Variants in POMGNT1 observed in about 807,000 individuals in gnomAD.
The protein encoded by POMGNT1 is protein O-linked mannose N-acetylglucosaminyltransferase 1 (beta 1,2-).
Under a neutral mutation model 95.6 loss-of-function variants are expected in POMGNT1, and 67 were observed. That is an observed-to-expected ratio of 0.70 (90% confidence interval 0.58 to 0.86). The LOEUF is 0.86. Among genes scored for constraint, POMGNT1 ranks in the 40% least tolerant of loss-of-function variants. The pLI, the probability that POMGNT1 is intolerant of heterozygous loss-of-function variation, is 0.00. For missense variants in POMGNT1, 719 were observed against 855.2 expected (o/e 0.84, Z 1.99); for synonymous variants, 298 against 317.9 (o/e 0.94, Z 0.66).
At chr1:46,203,412 C>T, upstream of POMGNT1, 5 of 1,439,936 alleles carry the variant, frequency 3.5e-6, no homozygotes, top group Middle Eastern at 2.1e-4. Context: ...CAGCCCTTTT[C>T]AGGCTTGGGC....
At chr1:46,210,011 C>T (rs1196624080) in intron 1 of POMGNT1, among the ~76,000 whole-genome samples, 1 of 152,168 alleles carries the variant, frequency 6.6e-6, no homozygotes, top group Non-Finnish European at 1.5e-5. Flanking sequence ...TGAAGATAAT[C>T]TCCTTTATCA....
At chr1:46,192,773 C>T (rs1571656430) in intron 14 of POMGNT1, 127 bp downstream of exon 14, 5 of 1,582,134 alleles carry the variant, frequency 3.2e-6, no homozygotes, top group Non-Finnish European at 4.3e-6. Context: ...CACCTGCCAT[C>T]CTACCTTTGC....
intron 17 of POMGNT1, chr1:46,191,231 C>T (rs1474017400): frequency 1.9e-5 from 5 of 268,638 alleles, no homozygotes; most frequent in South Asian, 8.6e-5. Context: ...ATGGGGCTCG[C>T]GTATTAGTCA....
intron 1 of POMGNT1, among the ~76,000 whole-genome samples, chr1:46,209,096 C>T (rs1484901878): frequency 6.6e-6 from 1 of 152,080 alleles, no homozygotes; most frequent in African/African-American, 2.4e-5. Context: ...GCAATCTTGG[C>T]TCACCGCAAC....
At position 46,194,392 on chromosome 1, in the gene POMGNT1, C is replaced by T; in HGVS notation, c.761G>A (p.Cys254Tyr). ...GTTCAGCTCTGTGTCTGCCCAGTGG[C>T]ACTCTGCCTCTGAGGGAAGGATGCG... ...VPLSSAEEAE[C>Y]HWADTELNRR... is the part of the protein sequence containing the mutation. The change falls in exon 9 of 22, where the codon TGC becomes TAC. Residue 254 changes from cysteine (C) to tyrosine (Y), a missense_variant. By Grantham distance (194) the Cys-to-Tyr change is radical. Transcript: ENST00000371984. 1 of 1,614,220 alleles carries T rather than the reference C, an allele frequency of 6.2e-7. No homozygotes were observed. The highest frequency in any genetic ancestry group is 1.1e-5 in the South Asian group (1 of 91,088).
chr1:46,199,614 G>A (rs948737012), upstream of POMGNT1, among the ~76,000 whole-genome samples: 3 of 152,182 alleles, frequency 2.0e-5, no homozygotes, highest in African/African-American at 7.2e-5. Flanking sequence ...ACAGTTTTAG[G>A]CAGGGGAGCA....
chr1:46,210,696 C>T (rs866210830), intron 1 of POMGNT1, among the ~76,000 whole-genome samples: 4 of 152,148 alleles, frequency 2.6e-5, no homozygotes, highest in South Asian at 4.2e-4. Flanking sequence ...GGAAGGGGTG[C>T]GGAACTTCTG....
intron 1 of POMGNT1, among the ~76,000 whole-genome samples, chr1:46,211,439 G>GCACACACACACA (rs57919535): frequency 1.3e-5 from 1 of 78,954 alleles, no homozygotes; most frequent in Non-Finnish European, 3.1e-5. Context: ...ATGAAAACCT[G>GCACACACACACA]CACACACACA....
chr1:46,193,119 CT>C, intron 13 of POMGNT1, 54 bp downstream of exon 13: 1 of 1,612,520 alleles, frequency 6.2e-7, no homozygotes, highest in Non-Finnish European at 8.5e-7. Flanking sequence ...AGGCCCAGAC[CT>C]TATGCCCATG....
chr1:46,198,327 G>A lies in POMGNT1; in HGVS notation c.-51+9C>T, dbSNP rs1406321042. On this transcript the variant is annotated intron_variant, in intron 1 of 21. Coordinates refer to ENST00000371984, the MANE Select transcript of POMGNT1 (RefSeq NM_017739.4). ...TACCCGTTCCGGACACCCACGCGGAGGCACTCACGGCTTAGGGGCCCCGGG... is the reference window on the plus strand; with the variant it reads ...TACCCGTTCCGGACACCCACGCGGAAGCACTCACGGCTTAGGGGCCCCGGG... The A allele has an allele frequency of 6.5e-6, 1 of 154,214 alleles. No homozygotes were observed. Among genetic ancestry groups the A allele is most frequent in the Non-Finnish European group, 1.4e-5 (1 of 69,036 alleles). 9.6% of individuals were successfully genotyped at this position (154,214 alleles called of 1,614,324 possible). A position where few individuals can be genotyped will look rare whatever the true frequency, so the allele number is the denominator to read the frequency against.
intron 19 of POMGNT1, 111 bp from the exon 20 acceptor site, chr1:46,190,100 T>C: frequency 1.1e-6 from 1 of 892,492 alleles, no homozygotes; most frequent in Non-Finnish European, 1.5e-6. Context: ...TGAAGTTCTT[T>C]TTTTTTTTTT....
At position 46,196,663 on chromosome 1, in the gene POMGNT1, C is replaced by A. The variant is rs747993687; in HGVS notation, c.354+68G>T. 129 of 1,611,914 alleles carry A rather than the reference C, an allele frequency of 8.0e-5. No individual in the cohort carries two copies. Among genetic ancestry groups the A allele is most frequent in the Non-Finnish European group, 9.9e-5 (117 of 1,179,882 alleles). On this transcript the variant is annotated intron_variant, in intron 4 of 21. Transcript: ENST00000371984. The surrounding 1 kb of genome is among the most constrained non-coding windows in gnomAD (Gnocchi z 4.4). ...TTGCAGTTCCCACTTAGGCAGTAGA[C>A]CCTGCTGCCAGTGGACCATGCCCTG...
At chr1:46,190,326 G>C in intron 19 of POMGNT1, 147 bp downstream of exon 19, 1 of 1,092,206 alleles carries the variant, frequency 9.2e-7, no homozygotes, top group South Asian at 1.2e-5. Flanking sequence ...TTACAGGCGT[G>C]AGCCACCGCG....
Position 46,212,438 on chromosome 1 carries a change from G to A in POMGNT1, c.-51+7267C>T, listed in dbSNP as rs193080078. ...TGGGACTACAGGCGTACACTGCCAC[G>A]CCCAGCGAATTTTTTTGTATTTTTA... On this transcript the variant is annotated intron_variant, in intron 1 of 22. Coordinates refer to the POMGNT1 transcript ENST00000371992. Among the ~76,000 whole-genome samples the A allele has an allele frequency of 8.7e-3, 1,317 of 151,426 alleles. 13 individuals are homozygous for A. Among genetic ancestry groups the A allele is most frequent in the Non-Finnish European group, 0.014 (929 of 67,824 alleles).
At chr1:46,195,627 G>C in intron 6 of POMGNT1, 184 bp downstream of exon 6, 1 of 684,122 alleles carries the variant, frequency 1.5e-6, no homozygotes, top group Admixed American at 2.0e-5. Flanking sequence ...GAAGTACCTG[G>C]CATACAGCTG....
At chr1:46,199,407 A>G (rs924495709), upstream of POMGNT1, among the ~76,000 whole-genome samples, 3 of 152,248 alleles carry the variant, frequency 2.0e-5, no homozygotes, top group African/African-American at 7.2e-5. Context: ...AACATCATAC[A>G]TAGAAAGCAG....
At chr1:46,208,158 C>T (rs754924889) in intron 1 of POMGNT1, among the ~76,000 whole-genome samples, 1 of 152,090 alleles carries the variant, frequency 6.6e-6, no homozygotes, top group African/African-American at 2.4e-5. Flanking sequence ...CCCCACCAGC[C>T]TTATTTATTT....
chr1:46,194,825 T>TG lies in POMGNT1; in HGVS notation c.652+18dup. On this transcript the variant is annotated intron_variant, in intron 7 of 21. Transcript: ENST00000371984. Reference sequence around the variant, plus strand: ...CAGGCTCTTGATACTACAGAGTGGATGGCCTCTGATGCCGGCACCTCCTTT... The same window carrying TG: ...CAGGCTCTTGATACTACAGAGTGGATGGGCCTCTGATGCCGGCACCTCCTTT... 3 of 1,613,836 alleles carry TG rather than the reference T, an allele frequency of 1.9e-6. 1 individual carries two copies. The highest frequency in any genetic ancestry group is 1.1e-5 in the South Asian group (1 of 91,082).
At position 46,192,291 on chromosome 1, in the gene POMGNT1, C is replaced by A. The variant is rs1164681355; in HGVS notation, c.1413+17G>T. ...TGGTAGGGGACTCCAGCCCCCTCAC[C>A]CTACCCTGACAGTTACCTTTTCCGG... On this transcript the variant is annotated intron_variant, in intron 16 of 21. Coordinates refer to ENST00000371984, the MANE Select transcript of POMGNT1 (RefSeq NM_017739.4). The A allele has an allele frequency of 6.2e-7, 1 of 1,614,150 alleles. No individual in the cohort carries two copies. The highest frequency in any genetic ancestry group is 1.7e-5 in the Admixed American group (1 of 60,008).
Sources: gnomAD v4.1 joint callset for allele counts (sites outside exome capture counted in the v4.1 genomes callset) on GRCh38, gnomAD v4.1.1 for gene constraint, Gnocchi (gnomAD v3.1) non-coding constraint, MANE v1.5 for transcripts, NCBI Gene and HGNC (gene_info 2026-07-23, HGNC 2026-07-21) for gene names.